PTPN11: variants seen among roughly 807,000 people sequenced by gnomAD.
PTPN11 encodes the protein protein tyrosine phosphatase non-receptor type 11.
Under a neutral mutation model 78.8 loss-of-function variants are expected in PTPN11, and 6 were observed. The ratio of observed to expected loss-of-function variants is 0.08; its 90% CI spans 0.04 to 0.15. The LOEUF (loss-of-function observed/expected upper bound fraction) is 0.15. Ranked by LOEUF, PTPN11 falls within the 10% of genes least tolerant of loss-of-function variation. The probability of loss-of-function intolerance (pLI) is 1.00; values close to 1 mark genes in which losing one functional copy is unlikely to be tolerated. For synonymous variants in PTPN11, 221 were observed against 263.5 expected (o/e 0.84, Z 1.56); for missense variants, 386 against 744.8 (o/e 0.52, Z 5.61).
intron 6 of PTPN11, among the ~76,000 whole-genome samples, chr12:112,459,932 C>A (rs575574924): frequency 9.9e-5 from 15 of 152,028 alleles, no homozygotes; most frequent in Admixed American, 8.5e-4. Context: ...CACACACACA[C>A]ACACACACAC....
chr12:112,443,941 A>G lies in PTPN11; in HGVS notation c.15-2335A>G, dbSNP rs560280465. ...AATGCTAGGATTACAGGTGTAAGCC[A>G]CTGCGCCTGGCCCTAATTTTTGCAT... On this transcript the variant is annotated intron_variant, in intron 1 of 15. Transcript: ENST00000351677. 9.6e-4 allele frequency among the ~76,000 whole-genome samples: 146 copies of G among 152,132 alleles called. 1 individual carries two copies. Among genetic ancestry groups the G allele is most frequent in the African/African-American group, 3.1e-3 (128 of 41,512 alleles).
chr12:112,453,514 T>A, intron 4 of PTPN11, 127 bp downstream of exon 4: 1 of 820,560 alleles, frequency 1.2e-6, no homozygotes, highest in South Asian at 1.8e-5. Context: ...ATTTATTTAT[T>A]TATTTGAGAC....
At chr12:112,435,906 C>T (rs569647174) in intron 1 of PTPN11, among the ~76,000 whole-genome samples, 1 of 151,882 alleles carries the variant, frequency 6.6e-6, no homozygotes. Flanking sequence ...AAATCCAGGC[C>T]GGGCATGGTG....
intron 1 of PTPN11, among the ~76,000 whole-genome samples, chr12:112,444,108 C>T (rs1477625701): frequency 6.6e-6 from 1 of 152,114 alleles, no homozygotes; most frequent in Non-Finnish European, 1.5e-5. Flanking sequence ...AAGTTTCAAC[C>T]TCAGGGGAGC....
intron 4 of PTPN11, among the ~76,000 whole-genome samples, chr12:112,453,914 T>C (rs2038115624): frequency 6.6e-6 from 1 of 152,036 alleles, no homozygotes; most frequent in Admixed American, 6.6e-5. Flanking sequence ...TCTCAAAGTG[T>C]TAGGATTACA....
intron 3 of PTPN11, among the ~76,000 whole-genome samples, chr12:112,450,790 T>G (rs1228859709): frequency 6.6e-6 from 1 of 152,226 alleles, no homozygotes; most frequent in Non-Finnish European, 1.5e-5. Flanking sequence ...GTTTTAAGAC[T>G]TATTGAACTT....
chr12:112,449,281 G>A (rs1331577946), intron 2 of PTPN11, among the ~76,000 whole-genome samples: 2 of 150,534 alleles, frequency 1.3e-5, no homozygotes, highest in African/African-American at 2.4e-5. Context: ...GGCAGGCGGC[G>A]GATCATGAGG....
intron 6 of PTPN11, among the ~76,000 whole-genome samples, chr12:112,457,772 A>C (rs1251564487): frequency 1.3e-5 from 2 of 152,066 alleles, no homozygotes; most frequent in African/African-American, 4.8e-5. Flanking sequence ...TTCCCATTGC[A>C]CTCTTCTATA....
rs187833893 is a variant in PTPN11 at position 112,458,849 on chromosome 12, A to G, written c.756+2786A>G. 8.3e-3 allele frequency among the ~76,000 whole-genome samples: 1,260 copies of G among 152,204 alleles called. 19 individuals are homozygous for G. The highest frequency in any genetic ancestry group is 8.1e-3 in the Non-Finnish European group (552 of 67,998). On this transcript the variant is annotated intron_variant, in intron 6 of 15. Coordinates refer to ENST00000351677, the MANE Select transcript of PTPN11 (RefSeq NM_002834.5). ...GGAGTTTGAGACCAGGCTGGGCAAC[A>G]TGGTAAAACCCCGTCTCTACAAAAA...
chr12:112,468,570 C>T (rs909979397), intron 6 of PTPN11, among the ~76,000 whole-genome samples: 16 of 152,252 alleles, frequency 1.1e-4, no homozygotes, highest in Admixed American at 1.0e-3. Context: ...GGGAAGGAGC[C>T]GGGGGAGAGA....
At chr12:112,439,734 T>G (rs2037851682) in intron 1 of PTPN11, among the ~76,000 whole-genome samples, 1 of 150,034 alleles carries the variant, frequency 6.7e-6, no homozygotes, top group Non-Finnish European at 1.5e-5. Flanking sequence ...CCTTCCAAAG[T>G]GCTGGGATTA....
chr12:112,427,857 C>G (rs747387056), intron 1 of PTPN11, among the ~76,000 whole-genome samples: 7 of 151,978 alleles, frequency 4.6e-5, no homozygotes, highest in Non-Finnish European at 1.0e-4. Flanking sequence ...CTCAAGTGAT[C>G]CTCTTGCCTC....
At chr12:112,451,044 G>T (rs925417897) in intron 3 of PTPN11, among the ~76,000 whole-genome samples, 1 of 152,152 alleles carries the variant, frequency 6.6e-6, no homozygotes, top group Non-Finnish European at 1.5e-5. Flanking sequence ...TTATTTTCGA[G>T]ATCTTTCCCC....
intron 10 of PTPN11, among the ~76,000 whole-genome samples, chr12:112,484,348 AG>A (rs2135909564): frequency 6.6e-6 from 1 of 152,330 alleles, no homozygotes; most frequent in Non-Finnish European, 1.5e-5. Context: ...CTTGGCTCCT[AG>A]GGCACAAAAC....
intron 13 of PTPN11, 103 bp from the exon 14 acceptor site, chr12:112,502,041 T>G: frequency 1.2e-6 from 1 of 867,798 alleles, no homozygotes; most frequent in South Asian, 1.4e-5. Context: ...AATTTTTTTT[T>G]CTTTCTCCCT....
intron 1 of PTPN11, among the ~76,000 whole-genome samples, chr12:112,429,786 G>T (rs2037682229): frequency 6.7e-6 from 1 of 149,558 alleles, no homozygotes; most frequent in Non-Finnish European, 1.5e-5. Flanking sequence ...CTGGGTGACA[G>T]AGCAGGACTC....
chr12:112,438,214 C>T (rs2037824878), intron 1 of PTPN11, among the ~76,000 whole-genome samples: 1 of 152,140 alleles, frequency 6.6e-6, no homozygotes, highest in Admixed American at 6.6e-5. Flanking sequence ...CAGTCACTCA[C>T]TGACGTTTGG....
rs1478450536 is a variant in PTPN11 at position 112,508,896 on chromosome 12, GC to G, written c.*3106del. The G allele has an allele frequency of 5.3e-5, 8 of 152,154 alleles. No homozygotes were observed. The highest frequency in any genetic ancestry group is 1.2e-4 in the Non-Finnish European group (8 of 68,026). The allele number at this position is 152,154 out of a possible 1,614,324, so 9.4% of individuals were successfully genotyped here. A position where few individuals can be genotyped will look rare whatever the true frequency, so the allele number is the denominator to read the frequency against. ...AGAGCCAAGTTGCTTCGGGGAAACA[GC>G]CAGGAAAATGGTCAAGATTATTTTT... is the stretch of plus-strand genomic sequence containing the variant. On this transcript the variant is annotated 3_prime_UTR_variant, in exon 16 of 16. Coordinates refer to ENST00000351677, the MANE Select transcript of PTPN11 (RefSeq NM_002834.5).
At chr12:112,452,532 T>C (rs549679499) in intron 3 of PTPN11, among the ~76,000 whole-genome samples, 1 of 152,152 alleles carries the variant, frequency 6.6e-6, no homozygotes, top group Admixed American at 6.5e-5. Context: ...GGCCGACTTT[T>C]ATTTTTTTTT....
Sources: gnomAD v4.1 joint callset for allele counts (sites outside exome capture counted in the v4.1 genomes callset) on GRCh38, gnomAD v4.1.1 for gene constraint, MANE v1.5 for transcripts, NCBI Gene and HGNC (gene_info 2026-07-23, HGNC 2026-07-21) for gene names.